STYXL1: variants seen among roughly 807,000 people sequenced by gnomAD.
STYXL1 encodes serine/threonine/tyrosine-interacting-like protein 1.
Under a neutral mutation model 36.4 loss-of-function variants are expected in STYXL1, and 32 were observed. The observed-to-expected ratio is 0.88, with a 90% CI of 0.66 to 1.18. The LOEUF is 1.18. STYXL1 is among the 50% of genes most tolerant of loss of function. The pLI is 0.00. For synonymous variants in STYXL1, 133 were observed against 144.1 expected (o/e 0.92, Z 0.55); for missense variants, 354 against 394.1 (o/e 0.90, Z 0.86).
At chr7:76,038,929 A>G (rs991806322) in intron 1 of STYXL1, among the ~76,000 whole-genome samples, 11 of 141,040 alleles carry the variant, frequency 7.8e-5, no homozygotes, top group Non-Finnish European at 1.6e-4. Context: ...TGGGACTACA[A>G]GTGTGCACCA....
intron 5 of STYXL1, among the ~76,000 whole-genome samples, chr7:76,013,434 T>C (rs1792851573): frequency 6.6e-6 from 1 of 151,832 alleles, no homozygotes; most frequent in African/African-American, 2.4e-5. Flanking sequence ...TTTTTGTTTT[T>C]GTTTTTGTTT....
At chr7:76,001,042 C>CAGGGAGGAGGGCCAGG in intron 7 of STYXL1, 40 bp from the exon 8 acceptor site, 1 of 1,533,218 alleles carries the variant, frequency 6.5e-7, no homozygotes, top group Non-Finnish European at 9.0e-7. Context: ...GCCTGGCCCT[C>CAGGGAGGAGGGCCAGG]CTCCCTGTGG....
At chr7:76,001,080 C>A in intron 7 of STYXL1, 78 bp from the exon 8 acceptor site, 1 of 1,100,074 alleles carries the variant, frequency 9.1e-7, no homozygotes, top group South Asian at 1.3e-5. Flanking sequence ...ACACTGGCCT[C>A]CATGGGCCCG....
chr7:76,031,017 C>T (rs1324493617), intron 1 of STYXL1, among the ~76,000 whole-genome samples: 5 of 151,632 alleles, frequency 3.3e-5, no homozygotes, highest in African/African-American at 1.2e-4. Context: ...AAAAATTAGT[C>T]AGGCATGGTG....
chr7:76,001,029 C>A (rs1650109297), intron 7 of STYXL1, 27 bp from the exon 8 acceptor site: 2 of 1,573,696 alleles, frequency 1.3e-6, no homozygotes, highest in South Asian at 2.2e-5. Context: ...GGGGTTGGGT[C>A]ATGCCTGGCC....
chr7:76,022,199 A>C (rs782720738), intron 3 of STYXL1, among the ~76,000 whole-genome samples: 1 of 152,164 alleles, frequency 6.6e-6, no homozygotes, highest in Non-Finnish European at 1.5e-5. Flanking sequence ...CTTCTGAGAA[A>C]AGCTGACCAC....
chr7:76,030,376 A>C, intron 2 of STYXL1, 45 bp downstream of exon 2: 1 of 1,431,960 alleles, frequency 7.0e-7, no homozygotes, highest in Non-Finnish European at 9.8e-7. Flanking sequence ...ATAATGTTTG[A>C]AGGACACTGT....
At chr7:76,046,997 C>T (rs558276930) in intron 1 of STYXL1, among the ~76,000 whole-genome samples, 12 of 151,460 alleles carry the variant, frequency 7.9e-5, no homozygotes, top group Admixed American at 3.3e-4. Flanking sequence ...CGCGGTGGCT[C>T]ACGCCTGTAA....
intron 5 of STYXL1, among the ~76,000 whole-genome samples, chr7:76,009,927 G>A (rs781433634): frequency 4.6e-5 from 7 of 152,078 alleles, no homozygotes; most frequent in African/African-American, 1.2e-4. Flanking sequence ...ACAACCCTGC[G>A]CCTTCTTCCC....
intron 4 of STYXL1, among the ~76,000 whole-genome samples, chr7:76,016,268 ATG>A (rs1200419616): frequency 4.7e-5 from 7 of 149,700 alleles, no homozygotes; most frequent in South Asian, 2.1e-4. Context: ...ATCTATATGT[ATG>A]TGTGTATATA....
chr7:76,004,787 G>A (rs1452922147), intron 6 of STYXL1, among the ~76,000 whole-genome samples: 6 of 152,056 alleles, frequency 3.9e-5, no homozygotes, highest in Non-Finnish European at 7.4e-5. Flanking sequence ...TGATCACAAG[G>A]TCAGGTGATC....
chr7:76,046,331 TGTGTGTGTGCGCGCGCGC>T (rs1195200329), intron 1 of STYXL1, among the ~76,000 whole-genome samples: 816 of 11,302 alleles, frequency 0.072, 3 homozygotes, highest in South Asian at 0.17. Flanking sequence ...TGTGTGTGTG[TGTGTGTGTGCGCGCGCGC>T]GCGCGCGCGC....
chr7:76,035,115 C>T (rs2116396732), intron 1 of STYXL1, among the ~76,000 whole-genome samples: 1 of 149,736 alleles, frequency 6.7e-6, no homozygotes, highest in East Asian at 1.9e-4. Flanking sequence ...TTCCCCTTTC[C>T]CTCACATCCA....
In STYXL1 at chr7:76,000,874, C is replaced by A. The variant is rs1554566871; in HGVS notation, c.810+16G>T. ...GGGGGTGGCCGTGGTGCGAGCCTGG[C>A]CCGGGGAACGCATACCTGCAAGGTC... On this transcript the variant is annotated intron_variant, in intron 8 of 8. Coordinates refer to ENST00000359697, the MANE Select transcript of STYXL1 (RefSeq NM_001317785.2). 1 of 1,611,552 alleles carries A rather than the reference C, an allele frequency of 6.2e-7. No individual in the cohort carries two copies. The highest frequency in any genetic ancestry group is 1.1e-5 in the South Asian group (1 of 91,042).
At chr7:76,034,166 T>C (rs1795687901) in intron 1 of STYXL1, among the ~76,000 whole-genome samples, 1 of 152,170 alleles carries the variant, frequency 6.6e-6, no homozygotes, top group African/African-American at 2.4e-5. Flanking sequence ...GCAGTGGCAC[T>C]ATCATAGCTT....
intron 7 of STYXL1, among the ~76,000 whole-genome samples, chr7:76,002,950 G>A (rs1018763985): frequency 6.6e-6 from 1 of 152,150 alleles, no homozygotes; most frequent in African/African-American, 2.4e-5. Context: ...AATAAGGGAT[G>A]GTTGGGCCAA....
In STYXL1 at chr7:76,047,786, G is replaced by A; in HGVS notation, c.-129C>T. The A allele has an allele frequency of 1.9e-6, 1 of 530,728 alleles. No homozygotes were observed. The highest frequency in any genetic ancestry group is 2.8e-6 in the Non-Finnish European group (1 of 357,302). 32.9% of individuals were successfully genotyped at this position (530,728 alleles called of 1,614,324 possible). A position where few individuals can be genotyped will look rare whatever the true frequency, so the allele number is the denominator to read the frequency against. On this transcript the variant is annotated 5_prime_UTR_variant, in exon 1 of 9. Coordinates refer to ENST00000359697, the MANE Select transcript of STYXL1 (RefSeq NM_001317785.2). ...CTGCGCGACTATGGCCAGGCTCCCT[G>A]TCGGAGCCTCTGCCTGGGGCCCCAC... is the stretch of plus-strand genomic sequence containing the variant.
intron 5 of STYXL1, 27 bp downstream of exon 5, chr7:76,013,715 C>G: frequency 2.5e-6 from 4 of 1,613,734 alleles, no homozygotes; most frequent in Non-Finnish European, 3.4e-6. Flanking sequence ...CCGTCTGGGC[C>G]TGCCTGTGCT....
At chr7:75,999,882 G>A (rs1790657268) in intron 8 of STYXL1, among the ~76,000 whole-genome samples, 1 of 151,858 alleles carries the variant, frequency 6.6e-6, no homozygotes, top group Non-Finnish European at 1.5e-5. Context: ...TTTTTAAAGT[G>A]GTGTGAGGGG....
Sources: gnomAD v4.1 joint callset for allele counts (sites outside exome capture counted in the v4.1 genomes callset) on GRCh38, gnomAD v4.1.1 for gene constraint, MANE v1.5 for transcripts, NCBI Gene and HGNC (gene_info 2026-07-23, HGNC 2026-07-21) for gene names.